UGGT2: variants seen among roughly 807,000 people sequenced by gnomAD.
UGGT2 encodes the protein UDP-glucose:glycoprotein glucosyltransferase 2.
A neutral mutation model predicts 192.1 loss-of-function variants in UGGT2; 180 were observed. The observed-to-expected ratio is 0.94, with a 90% CI of 0.83 to 1.06. The LOEUF (loss-of-function observed/expected upper bound fraction) is 1.06, where lower values mean the gene tolerates loss of function less well. UGGT2 is among the 50% of genes least tolerant of loss of function. The probability of loss-of-function intolerance (pLI) is 0.00; values close to 1 mark genes in which losing one functional copy is unlikely to be tolerated. For missense variants in UGGT2, 1,849 were observed against 1,795.7 expected (o/e 1.03, Z -0.54); for synonymous variants, 580 against 591.0 (o/e 0.98, Z 0.27).
At chr13:95,975,326 C>T (rs995923308) in intron 10 of UGGT2, among the ~76,000 whole-genome samples, 3 of 152,040 alleles carry the variant, frequency 2.0e-5, no homozygotes, top group Non-Finnish European at 4.4e-5. Flanking sequence ...ACATAAAGTG[C>T]TACACTTATG....
chr13:96,036,765 T>G (rs1008428418), intron 1 of UGGT2, among the ~76,000 whole-genome samples: 4 of 152,132 alleles, frequency 2.6e-5, no homozygotes, highest in Non-Finnish European at 5.9e-5. Flanking sequence ...ACAACATTTT[T>G]GTTTGTTTGT....
At chr13:95,896,695 A>T (rs940285552) in intron 22 of UGGT2, among the ~76,000 whole-genome samples, 4 of 152,170 alleles carry the variant, frequency 2.6e-5, no homozygotes, top group African/African-American at 9.6e-5. Flanking sequence ...AGCATCAAAC[A>T]GGAGAAACCT....
At chr13:95,872,447 T>A (rs1018783749) in intron 29 of UGGT2, among the ~76,000 whole-genome samples, 9 of 152,304 alleles carry the variant, frequency 5.9e-5, no homozygotes, top group South Asian at 2.1e-4. Flanking sequence ...TCAGGAATAT[T>A]TTTCCTAATT....
At chr13:95,866,284 C>A (rs1198630026) in intron 30 of UGGT2, among the ~76,000 whole-genome samples, 4 of 152,062 alleles carry the variant, frequency 2.6e-5, no homozygotes, top group Non-Finnish European at 4.4e-5. Flanking sequence ...TCTTTAATTT[C>A]TTTAAAAAAA....
chr13:95,994,077 T>C (rs990356656), intron 7 of UGGT2, among the ~76,000 whole-genome samples: 1 of 152,152 alleles, frequency 6.6e-6, no homozygotes, highest in African/African-American at 2.4e-5. Flanking sequence ...TTTGGGGCTA[T>C]ACATTTGTTC....
chr13:95,890,768 C>T, intron 25 of UGGT2, 94 bp downstream of exon 25: 1 of 902,696 alleles, frequency 1.1e-6, no homozygotes, highest in Non-Finnish European at 1.7e-6. Context: ...GGTGAAGGAT[C>T]AAGAGCATAA....
chr13:95,930,535 T>A (rs779788046), intron 17 of UGGT2, among the ~76,000 whole-genome samples: 13 of 152,144 alleles, frequency 8.5e-5, no homozygotes, highest in Non-Finnish European at 1.6e-4. Context: ...TCCCACTAAT[T>A]TTCATCAACT....
At chr13:95,980,776 T>C (rs1194273808) in intron 10 of UGGT2, among the ~76,000 whole-genome samples, 1 of 152,136 alleles carries the variant, frequency 6.6e-6, no homozygotes, top group East Asian at 1.9e-4. Context: ...CGGGGCAGAT[T>C]ACCTGAGGTC....
chr13:96,004,583 T>C (rs2051911357), intron 5 of UGGT2, among the ~76,000 whole-genome samples: 2 of 152,072 alleles, frequency 1.3e-5, no homozygotes, highest in South Asian at 4.1e-4. Context: ...GTTAGTTACA[T>C]ATGTGCAGGT....
At chr13:95,819,355 G>C (rs915432902) in intron 38 of UGGT2, among the ~76,000 whole-genome samples, 1 of 147,432 alleles carries the variant, frequency 6.8e-6, no homozygotes, top group Non-Finnish European at 1.5e-5. Context: ...TTATTAGACT[G>C]TCTAACATTT....
intron 30 of UGGT2, among the ~76,000 whole-genome samples, chr13:95,865,372 T>C (rs1008672163): frequency 2.6e-5 from 4 of 152,158 alleles, no homozygotes; most frequent in African/African-American, 4.8e-5. Context: ...CGGCCGAGCA[T>C]GGTGGCTCAT....
intron 38 of UGGT2, among the ~76,000 whole-genome samples, chr13:95,803,209 CAAAG>C (rs1355271845): frequency 6.6e-6 from 1 of 151,976 alleles, no homozygotes; most frequent in African/African-American, 2.4e-5. Context: ...TTGAGAGAGA[CAAAG>C]AGGGAGAAAT....
intron 10 of UGGT2, among the ~76,000 whole-genome samples, chr13:95,979,854 AAAG>A (rs1433071373): frequency 3.9e-5 from 6 of 152,206 alleles, no homozygotes; most frequent in Non-Finnish European, 8.8e-5. Context: ...ACAATTCTCA[AAAG>A]AAGATATACA....
chr13:95,860,347 T>C (rs965230395), intron 32 of UGGT2, among the ~76,000 whole-genome samples: 31 of 148,742 alleles, frequency 2.1e-4, no homozygotes, highest in Non-Finnish European at 4.0e-4. Flanking sequence ...ACTGTAAATA[T>C]ATATATTGTG....
chr13:95,940,181 G>A (rs926283600), intron 15 of UGGT2, 90 bp from the exon 16 acceptor site: 1 of 1,052,094 alleles, frequency 9.5e-7, no homozygotes, highest in Non-Finnish European at 1.3e-6. Context: ...TTTTTATTTT[G>A]TAAGTTCAAA....
intron 29 of UGGT2, 89 bp from the exon 30 acceptor site, chr13:95,867,512 CG>C: frequency 9.3e-7 from 1 of 1,074,834 alleles, no homozygotes; most frequent in Non-Finnish European, 1.4e-6. Context: ...TTGCAATAAA[CG>C]TAAGTCCAAT....
chr13:95,937,125 T>C, intron 16 of UGGT2, 37 bp from the exon 17 acceptor site: 1 of 1,551,444 alleles, frequency 6.4e-7, no homozygotes, highest in Non-Finnish European at 8.6e-7. Flanking sequence ...TTAAACAAAA[T>C]ATGATTGTTT....
At chr13:95,969,591 A>C (rs1357367641) in intron 12 of UGGT2, among the ~76,000 whole-genome samples, 1 of 152,240 alleles carries the variant, frequency 6.6e-6, no homozygotes, top group African/African-American at 2.4e-5. Context: ...AGAACGTTTC[A>C]CAGTCTAAGA....
intron 38 of UGGT2, among the ~76,000 whole-genome samples, chr13:95,816,704 G>GA (rs1884934579): frequency 6.6e-6 from 1 of 152,222 alleles, no homozygotes; most frequent in South Asian, 2.1e-4. Context: ...GCAGCTTAGT[G>GA]ATTGTAAGAG....
Sources: gnomAD v4.1 joint callset for allele counts (sites outside exome capture counted in the v4.1 genomes callset) on GRCh38, gnomAD v4.1.1 for gene constraint, MANE v1.5 for transcripts, NCBI Gene and HGNC (gene_info 2026-07-23, HGNC 2026-07-21) for gene names.